The following FAM169A variants were observed in gnomAD, a reference collection of about 807,000 sequenced individuals.
FAM169A encodes soluble lamin-associated protein of 75 kDa.
FAM169A carries 24 observed loss-of-function variants against 75.7 expected under a neutral mutation model. The ratio of observed to expected loss-of-function variants is 0.32; its 90% CI spans 0.23 to 0.45. The LOEUF is 0.45. Among genes scored for constraint, FAM169A ranks in the 20% least tolerant of loss-of-function variants. The pLI, the probability that FAM169A is intolerant of heterozygous loss-of-function variation, is 1.00. For missense variants in FAM169A, 673 were observed against 784.0 expected (o/e 0.86, Z 1.69); for synonymous variants, 271 against 271.0 (o/e 1.00, Z 0.00).
At chr5:74,813,176 G>A (rs960519076) in intron 6 of FAM169A, among the ~76,000 whole-genome samples, 12 of 152,174 alleles carry the variant, frequency 7.9e-5, no homozygotes, top group African/African-American at 2.4e-5. Context: ...GAAATGGATG[G>A]TGACTGCGAA....
At chr5:74,782,434 G>C (rs1430613666) in intron 12 of FAM169A, among the ~76,000 whole-genome samples, 1 of 152,154 alleles carries the variant, frequency 6.6e-6, no homozygotes, top group Non-Finnish European at 1.5e-5. Flanking sequence ...GGCAATGGAA[G>C]TTTTATTCTT....
chr5:74,805,862 C>A (rs915213508), intron 6 of FAM169A, among the ~76,000 whole-genome samples: 3 of 149,908 alleles, frequency 2.0e-5, no homozygotes, highest in Non-Finnish European at 2.9e-5. Context: ...AATCCCAACA[C>A]AACTTATTTT....
At chr5:74,793,442 T>G (rs1238323380) in intron 11 of FAM169A, among the ~76,000 whole-genome samples, 3 of 151,954 alleles carry the variant, frequency 2.0e-5, no homozygotes, top group African/African-American at 7.3e-5. Flanking sequence ...TTATTCTAAG[T>G]GGAGTAACTC....
chr5:74,798,285 TCAGCAAA>T (rs771883688), intron 10 of FAM169A, among the ~76,000 whole-genome samples: 4 of 152,222 alleles, frequency 2.6e-5, no homozygotes, highest in Non-Finnish European at 4.4e-5. Context: ...TTCGTATGTT[TCAGCAAA>T]CAGTCAAGCA....
At chr5:74,853,862 C>T (rs1749573277) in intron 1 of FAM169A, among the ~76,000 whole-genome samples, 1 of 151,554 alleles carries the variant, frequency 6.6e-6, no homozygotes. Context: ...CACCTGCCAC[C>T]ACACCCGGCT....
intron 5 of FAM169A, among the ~76,000 whole-genome samples, chr5:74,821,033 CCTAACTATTCCGTTTAAAATAGTA>C (rs1402391535): frequency 6.6e-6 from 1 of 152,132 alleles, no homozygotes; most frequent in Non-Finnish European, 1.5e-5. Context: ...AGAGACTTCC[CCTAACTATTCCGTTTAAAATAGTA>C]CCTGCTGTCC....
chr5:74,846,052 CG>C (rs1407584923), intron 1 of FAM169A, among the ~76,000 whole-genome samples: 18 of 152,064 alleles, frequency 1.2e-4, no homozygotes, highest in African/African-American at 3.9e-4. Context: ...GAAAACAGAA[CG>C]TAATAACTGT....
At chr5:74,839,483 T>C (rs1351610459) in intron 3 of FAM169A, among the ~76,000 whole-genome samples, 1 of 151,832 alleles carries the variant, frequency 6.6e-6, no homozygotes, top group Non-Finnish European at 1.5e-5. Context: ...AGTTTCCTGG[T>C]GGCCTCCCCA....
At chr5:74,824,652 T>C (rs1747925632) in intron 5 of FAM169A, among the ~76,000 whole-genome samples, 2 of 151,332 alleles carry the variant, frequency 1.3e-5, no homozygotes, top group Admixed American at 6.6e-5. Context: ...AATAGTCATA[T>C]AAGACTTAAG....
At chr5:74,847,301 C>G (rs1352238549) in intron 1 of FAM169A, among the ~76,000 whole-genome samples, 2 of 152,000 alleles carry the variant, frequency 1.3e-5, no homozygotes, top group African/African-American at 4.8e-5. Context: ...TTCCTTCCCC[C>G]CACCACCCCC....
At chr5:74,866,810 T>C (rs920745762), upstream of FAM169A, 53 of 985,430 alleles carry the variant, frequency 5.4e-5, no homozygotes, top group Non-Finnish European at 6.4e-5. Flanking sequence ...TAGGCCCTCC[T>C]GAAATTTACC....
At chr5:74,803,147 G>A (rs1016838942) in intron 8 of FAM169A, among the ~76,000 whole-genome samples, 1 of 152,048 alleles carries the variant, frequency 6.6e-6, no homozygotes, top group African/African-American at 2.4e-5. Context: ...GTATGATATA[G>A]TACCACTGTC....
chr5:74,859,843 C>T (rs1749945084), intron 1 of FAM169A, among the ~76,000 whole-genome samples: 1 of 151,792 alleles, frequency 6.6e-6, no homozygotes, highest in Admixed American at 6.6e-5. Context: ...CAAAGCGAGA[C>T]CCCATCGCTA....
chr5:74,847,013 A>G (rs1213343794), intron 1 of FAM169A, among the ~76,000 whole-genome samples: 4 of 152,190 alleles, frequency 2.6e-5, no homozygotes, highest in Non-Finnish European at 5.9e-5. Flanking sequence ...GCATACCACC[A>G]TCAACATTTT....
At chr5:74,861,708 C>G (rs1750044960) in intron 1 of FAM169A, among the ~76,000 whole-genome samples, 2 of 152,202 alleles carry the variant, frequency 1.3e-5, no homozygotes, top group South Asian at 4.1e-4. Context: ...CTCTCTTCTT[C>G]CTCTCCTCAC....
At chr5:74,799,835 C>T in intron 10 of FAM169A, 1 of 1,057,804 alleles carries the variant, frequency 9.5e-7, no homozygotes, top group Non-Finnish European at 1.5e-6. Context: ...GCTGCCTGAC[C>T]TTTGTCTCCA....
intron 5 of FAM169A, among the ~76,000 whole-genome samples, chr5:74,817,900 A>C (rs1273686958): frequency 3.3e-5 from 5 of 152,160 alleles, no homozygotes; most frequent in African/African-American, 1.2e-4. Flanking sequence ...AGACAATTCT[A>C]TGGAGGAAAA....
intron 1 of FAM169A, among the ~76,000 whole-genome samples, chr5:74,842,181 G>A (rs1164429959): frequency 8.0e-6 from 1 of 124,368 alleles, no homozygotes; most frequent in East Asian, 2.0e-4. Context: ...CAGCACTTTG[G>A]GGGGCCAAGG....
At chr5:74,819,767 T>C (rs1259928296) in intron 5 of FAM169A, among the ~76,000 whole-genome samples, 2 of 152,070 alleles carry the variant, frequency 1.3e-5, no homozygotes, top group Non-Finnish European at 2.9e-5. Flanking sequence ...GAATAAAACT[T>C]AAAAATGTTA....
Sources: allele counts gnomAD v4.1 joint callset (sites outside exome capture counted in the v4.1 genomes callset), GRCh38; gene constraint gnomAD v4.1.1; transcripts MANE v1.5; gene names NCBI Gene and HGNC (gene_info 2026-07-23, HGNC 2026-07-21).